JAK1: variants seen among roughly 807,000 people sequenced by gnomAD.
JAK1 encodes Janus kinase 1.
A neutral mutation model predicts 136.6 loss-of-function variants in JAK1; 16 were observed. That is an observed-to-expected ratio of 0.12 (90% CI 0.08 to 0.18). JAK1 has a LOEUF of 0.18. Ranked by LOEUF, JAK1 falls within the 10% of genes least tolerant of loss-of-function variation. The probability of loss-of-function intolerance (pLI) is 1.00; values close to 1 mark genes in which losing one functional copy is unlikely to be tolerated. For missense variants in JAK1, 859 were observed against 1,450.1 expected, an observed-to-expected ratio of 0.59 and a Z score of 6.62; for synonymous variants, 492 against 519.5, an observed-to-expected ratio of 0.95 and a Z score of 0.72.
chr1:64,928,796 A>AAAAAAAAAAAAAAAAAAAAAT (rs58742571), intron 1 of JAK1, among the ~76,000 whole-genome samples: 1 of 125,268 alleles, frequency 8.0e-6, no homozygotes, highest in Non-Finnish European at 1.6e-5. Context: ...AAAAAAAAAA[A>AAAAAAAAAAAAAAAAAAAAAT]CAAAAAAAAA....
chr1:65,055,749 G>T (rs1275764886), intron 1 of JAK1, among the ~76,000 whole-genome samples: 1 of 152,152 alleles, frequency 6.6e-6, no homozygotes, highest in East Asian at 1.9e-4. Context: ...TCCAGGTCCA[G>T]GCAAGCTTCT....
At chr1:64,849,178 C>T (rs2101022608) in intron 12 of JAK1, among the ~76,000 whole-genome samples, 1 of 152,062 alleles carries the variant, frequency 6.6e-6, no homozygotes, top group Middle Eastern at 3.4e-3. Flanking sequence ...AGTTCATCCT[C>T]CAGGAGGAGA....
chr1:64,906,107 C>T (rs1173696399), intron 1 of JAK1, among the ~76,000 whole-genome samples: 1 of 152,090 alleles, frequency 6.6e-6, no homozygotes, highest in South Asian at 2.1e-4. Flanking sequence ...TCAGCCTGAC[C>T]AACACAGTGA....
chr1:65,055,203 T>C (rs1647477654), intron 1 of JAK1, among the ~76,000 whole-genome samples: 1 of 152,226 alleles, frequency 6.6e-6, no homozygotes, highest in South Asian at 2.1e-4. Flanking sequence ...AGTTCCTGGC[T>C]GTATGAATTT....
intron 2 of JAK1, chr1:64,991,923 G>C (rs1246854386): frequency 6.6e-6 from 1 of 152,134 alleles, no homozygotes; most frequent in Non-Finnish European, 1.5e-5. Flanking sequence ...TGCTGAAAGA[G>C]ATTAATGAAG....
chr1:65,037,543 T>A (rs548895143), intron 2 of JAK1, among the ~76,000 whole-genome samples: 17 of 152,280 alleles, frequency 1.1e-4, no homozygotes, highest in African/African-American at 3.6e-4. Context: ...ATTTTAGAAG[T>A]CAATAAGTAT....
At chr1:64,994,088 A>G (rs1646681913) in intron 2 of JAK1, among the ~76,000 whole-genome samples, 1 of 151,752 alleles carries the variant, frequency 6.6e-6, no homozygotes, top group South Asian at 2.1e-4. Context: ...CTAGAGACAC[A>G]CACCACCATG....
At chr1:64,959,525 T>C (rs1047821647) in intron 1 of JAK1, among the ~76,000 whole-genome samples, 5 of 150,012 alleles carry the variant, frequency 3.3e-5, no homozygotes, top group African/African-American at 9.7e-5. Context: ...CAGGTATACA[T>C]GGTGCCTCTG....
chr1:64,854,766 GC>G (rs1655815953), intron 11 of JAK1, among the ~76,000 whole-genome samples: 1 of 151,940 alleles, frequency 6.6e-6, no homozygotes, highest in African/African-American at 2.4e-5. Context: ...AGCACTCAAG[GC>G]CCCCACACCC....
At chr1:64,870,893 C>A (rs1657035688) in intron 5 of JAK1, among the ~76,000 whole-genome samples, 1 of 152,094 alleles carries the variant, frequency 6.6e-6, no homozygotes, top group African/African-American at 2.4e-5. Context: ...CAAAGGAAAA[C>A]CTGAAACTGT....
intron 2 of JAK1, among the ~76,000 whole-genome samples, chr1:64,988,674 G>A (rs1646622845): frequency 6.6e-6 from 1 of 151,064 alleles, no homozygotes; most frequent in African/African-American, 2.4e-5. Flanking sequence ...CTTGAGCCCA[G>A]GAGTTTCAGA....
intron 5 of JAK1, 66 bp downstream of exon 5, chr1:64,873,304 G>A: frequency 6.3e-7 from 1 of 1,585,850 alleles, no homozygotes; most frequent in Non-Finnish European, 8.7e-7. Context: ...GCAGCAGGGG[G>A]TCTGAGCTCT....
intron 1 of JAK1, among the ~76,000 whole-genome samples, chr1:64,934,926 C>T (rs572456448): frequency 2.8e-4 from 42 of 152,294 alleles, no homozygotes; most frequent in Admixed American, 1.8e-3. Flanking sequence ...TAGTAGGACC[C>T]TCCAGAGTTC....
chr1:64,908,329 ATCCTTAT>A (rs1485653703), intron 1 of JAK1, among the ~76,000 whole-genome samples: 2 of 152,050 alleles, frequency 1.3e-5, no homozygotes, highest in African/African-American at 4.8e-5. Context: ...ATTCAGCTCT[ATCCTTAT>A]TCATCTCAAC....
In JAK1 at chr1:64,988,487, G is replaced by A. The variant is rs147780122; in HGVS notation, c.-78+55993C>T. On this transcript the variant is annotated intron_variant, in intron 2 of 25. Coordinates refer to the JAK1 transcript ENST00000671954. ...GCCCCAAGCTCCTGTCCCCCCCATAGAAACTCAAAAAACAAGCAGAATCTG... is the reference window on the plus strand; with the variant it reads ...GCCCCAAGCTCCTGTCCCCCCCATAAAAACTCAAAAAACAAGCAGAATCTG... Among the ~76,000 whole-genome samples the A allele has an allele frequency of 9.1e-3, 1,389 of 152,104 alleles. 26 individuals carry two copies. The highest frequency in any genetic ancestry group is 0.032 in the African/African-American group (1,325 of 41,476).
intron 2 of JAK1, among the ~76,000 whole-genome samples, chr1:65,034,454 T>C (rs184200590): frequency 5.3e-4 from 80 of 152,342 alleles, no homozygotes; most frequent in African/African-American, 1.9e-3. Flanking sequence ...GAAATGACTC[T>C]GAGTGCCAAA....
rs1645409441 is a variant in JAK1 at position 64,917,006 on chromosome 1, G to A, written c.-77-30665C>T. Among the ~76,000 whole-genome samples the A allele has an allele frequency of 2.6e-5, 4 of 152,026 alleles. No homozygotes were observed. The South Asian group carries it at 8.3e-4, about 32-fold the overall frequency. On this transcript the variant is annotated intron_variant, in intron 1 of 24. Coordinates refer to ENST00000342505, the MANE Select transcript of JAK1 (RefSeq NM_002227.4). ...GAGAAAATCATCAGCAAAACCATTTGAGAAAGATTTCCCAGAACCAAAGGC... is the reference window on the plus strand; with the variant it reads ...GAGAAAATCATCAGCAAAACCATTTAAGAAAGATTTCCCAGAACCAAAGGC...
rs1392765404 is a variant in JAK1, at chr1:65,063,412, T to G, written c.-181+4192A>C. The stretch of plus-strand genomic sequence containing the variant: ...TCTCCCTAATATAACAGTAATAATG[T>G]AATACTTGGGGTCCCCAATCATCAC... On this transcript the variant is annotated intron_variant, in intron 1 of 25. Coordinates refer to the JAK1 transcript ENST00000671954. Among the ~76,000 whole-genome samples the G allele has an allele frequency of 3.3e-5, 5 of 152,340 alleles. No individual in the cohort carries two copies. The East Asian group carries it at 9.6e-4, about 29-fold the overall frequency.
intron 1 of JAK1, among the ~76,000 whole-genome samples, chr1:65,053,692 A>T (rs1193026055): frequency 2.6e-5 from 4 of 152,160 alleles, no homozygotes; most frequent in Non-Finnish European, 5.9e-5. Context: ...CTACAAAAAA[A>T]TTTTTGAAAA....
Sources: allele counts gnomAD v4.1 joint callset (sites outside exome capture counted in the v4.1 genomes callset), GRCh38; gene constraint gnomAD v4.1.1; transcripts MANE v1.5; gene names NCBI Gene and HGNC (gene_info 2026-07-23, HGNC 2026-07-21).